RSRC1: variants seen among roughly 807,000 people sequenced by gnomAD.
The protein encoded by RSRC1 is serine/Arginine-related protein 53.
A neutral mutation model predicts 49.1 loss-of-function variants in RSRC1; 39 were observed. That is an observed-to-expected ratio of 0.79 (90% confidence interval 0.61 to 1.04). The LOEUF (loss-of-function observed/expected upper bound fraction) is 1.04. Ranked by LOEUF, RSRC1 falls within the 50% of genes least tolerant of loss-of-function variation. RSRC1 has a pLI of 0.00. For synonymous variants in RSRC1, 143 were observed against 130.8 expected (o/e 1.09, Z -0.63); for missense variants, 388 against 402.4 (o/e 0.96, Z 0.31).
chr3:158,323,159 T>C (rs1031501828), intron 5 of RSRC1, among the ~76,000 whole-genome samples: 1 of 152,152 alleles, frequency 6.6e-6, no homozygotes, highest in Non-Finnish European at 1.5e-5. Context: ...TTCTGAGTAT[T>C]TTAGGGTTTT....
At chr3:158,477,466 A>C (rs1283813929) in intron 7 of RSRC1, among the ~76,000 whole-genome samples, 2 of 152,068 alleles carry the variant, frequency 1.3e-5, no homozygotes, top group African/African-American at 4.8e-5. Flanking sequence ...CTGAGGCAAG[A>C]CCCTCCACCA....
intron 7 of RSRC1, among the ~76,000 whole-genome samples, chr3:158,477,385 C>A (rs1331851530): frequency 6.6e-6 from 1 of 152,094 alleles, no homozygotes; most frequent in Non-Finnish European, 1.5e-5. Context: ...TCATTGTTGT[C>A]TTATTTAAAA....
At chr3:158,173,809 T>C (rs541035982) in intron 3 of RSRC1, among the ~76,000 whole-genome samples, 5 of 152,120 alleles carry the variant, frequency 3.3e-5, no homozygotes, top group Non-Finnish European at 7.4e-5. Flanking sequence ...TGCTATGACA[T>C]GAATGGACTT....
chr3:158,398,549 ACTT>A (rs1254651928), intron 6 of RSRC1, among the ~76,000 whole-genome samples: 1 of 152,116 alleles, frequency 6.6e-6, no homozygotes, highest in Non-Finnish European at 1.5e-5. Context: ...TAAAGGCCTC[ACTT>A]CTTATTACTT....
At chr3:158,121,977 C>T in intron 1 of RSRC1, 126 bp from the exon 2 acceptor site, 1 of 520,024 alleles carries the variant, frequency 1.9e-6, no homozygotes, top group South Asian at 5.1e-5. Flanking sequence ...TACACTCCAG[C>T]CTGGGATACA....
At chr3:158,530,450 A>G (rs547200171) in intron 7 of RSRC1, among the ~76,000 whole-genome samples, 16 of 151,708 alleles carry the variant, frequency 1.1e-4, no homozygotes, top group East Asian at 5.9e-4. Flanking sequence ...AGCCTGCTCT[A>G]TTTTCCTTGA....
At chr3:158,513,284 C>G (rs1050363081) in intron 7 of RSRC1, among the ~76,000 whole-genome samples, 4 of 151,216 alleles carry the variant, frequency 2.6e-5, no homozygotes, top group Non-Finnish European at 1.5e-5. Context: ...TTTTGAAATA[C>G]GTCCCATCAA....
At chr3:158,295,689 A>T (rs1727196703) in intron 4 of RSRC1, among the ~76,000 whole-genome samples, 2 of 152,124 alleles carry the variant, frequency 1.3e-5, no homozygotes, top group South Asian at 4.1e-4. Flanking sequence ...GCCAAGAATG[A>T]TGACTAGTTT....
intron 7 of RSRC1, among the ~76,000 whole-genome samples, chr3:158,464,038 T>A (rs1737752350): frequency 6.6e-6 from 1 of 152,138 alleles, no homozygotes; most frequent in Non-Finnish European, 1.5e-5. Context: ...TAATTCTAGA[T>A]TATAATTTAG....
chr3:158,519,420 T>C (rs1711539788), intron 7 of RSRC1, among the ~76,000 whole-genome samples: 1 of 151,890 alleles, frequency 6.6e-6, no homozygotes, highest in South Asian at 2.1e-4. Context: ...GACTGAGTGC[T>C]CTGGGAAGGT....
intron 5 of RSRC1, among the ~76,000 whole-genome samples, chr3:158,307,139 TG>T (rs201626156): frequency 8.6e-5 from 13 of 150,986 alleles, no homozygotes; most frequent in East Asian, 1.9e-4. Flanking sequence ...CAGGTTTGTT[TG>T]TTTTTTTTAC....
intron 3 of RSRC1, among the ~76,000 whole-genome samples, chr3:158,191,194 TA>T (rs894813950): frequency 1.3e-5 from 2 of 151,940 alleles, no homozygotes; most frequent in African/African-American, 2.4e-5. Flanking sequence ...TGTAGGTCAT[TA>T]AAAAAAATTC....
intron 3 of RSRC1, among the ~76,000 whole-genome samples, chr3:158,152,793 C>G (rs1717628376): frequency 6.6e-6 from 1 of 152,092 alleles, no homozygotes; most frequent in Admixed American, 6.6e-5. Context: ...AATAATATGA[C>G]TTTTAGTTTT....
At chr3:158,480,612 A>T (rs973295098) in intron 7 of RSRC1, among the ~76,000 whole-genome samples, 5 of 152,044 alleles carry the variant, frequency 3.3e-5, no homozygotes, top group African/African-American at 1.2e-4. Flanking sequence ...CCTGCAGTGT[A>T]CTGAAACCAT....
At chr3:158,205,783 T>G (rs1721312269) in intron 4 of RSRC1, among the ~76,000 whole-genome samples, 1 of 152,066 alleles carries the variant, frequency 6.6e-6, no homozygotes, top group South Asian at 2.1e-4. Flanking sequence ...AGAATTGTTT[T>G]GGGCCACATA....
chr3:158,488,427 TATC>T (rs748546495), intron 7 of RSRC1, among the ~76,000 whole-genome samples: 4 of 152,204 alleles, frequency 2.6e-5, no homozygotes, highest in Admixed American at 1.3e-4. Flanking sequence ...TGTACTGTTT[TATC>T]ATTTAATTTC....
chr3:158,319,996 A>G (rs150496678), intron 5 of RSRC1, among the ~76,000 whole-genome samples: 1 of 152,342 alleles, frequency 6.6e-6, no homozygotes, highest in African/African-American at 2.4e-5. Flanking sequence ...TTGTTAATCA[A>G]CTATAGGAGG....
At chr3:158,237,792 T>C (rs1366313299) in intron 4 of RSRC1, among the ~76,000 whole-genome samples, 1 of 152,182 alleles carries the variant, frequency 6.6e-6, no homozygotes, top group African/African-American at 2.4e-5. Flanking sequence ...TTGAATACCC[T>C]TTATTTCTTT....
intron 6 of RSRC1, among the ~76,000 whole-genome samples, chr3:158,379,932 C>T (rs993274907): frequency 6.6e-6 from 1 of 151,768 alleles, no homozygotes; most frequent in African/African-American, 2.4e-5. Flanking sequence ...TCTGTCTCTA[C>T]CCACTAGAAT....
Sources: allele counts gnomAD v4.1 joint callset (sites outside exome capture counted in the v4.1 genomes callset), GRCh38; gene constraint gnomAD v4.1.1; transcripts MANE v1.5; gene names NCBI Gene and HGNC (gene_info 2026-07-23, HGNC 2026-07-21).